The following DPF3 variants were observed in gnomAD, a reference collection of about 807,000 sequenced individuals.
DPF3 encodes double PHD fingers 3, also known as zinc finger protein DPF3.
DPF3 carries 18 observed loss-of-function variants against 56.8 expected under a neutral mutation model. The ratio of observed to expected loss-of-function variants is 0.32; its 90% CI spans 0.22 to 0.47. The LOEUF (loss-of-function observed/expected upper bound fraction) is 0.47, where lower values mean the gene tolerates loss of function less well. DPF3 is among the 20% of genes least tolerant of loss of function. The pLI is 1.00. For synonymous variants in DPF3, 188 were observed against 180.2 expected, an observed-to-expected ratio of 1.04 and a Z score of -0.35; for missense variants, 403 against 488.8, an observed-to-expected ratio of 0.82 and a Z score of 1.65.
intron 3 of DPF3, among the ~76,000 whole-genome samples, chr14:72,737,141 G>A (rs1169119216): frequency 6.7e-6 from 1 of 148,750 alleles, no homozygotes; most frequent in Admixed American, 6.7e-5. Flanking sequence ...AACAAGGATT[G>A]AAGCATAGAA....
chr14:72,768,790 G>A (rs1318076456), intron 2 of DPF3, among the ~76,000 whole-genome samples: 1 of 152,146 alleles, frequency 6.6e-6, no homozygotes, highest in East Asian at 1.9e-4. Flanking sequence ...TGACCTTAAA[G>A]GAGAGTAATT....
At chr14:72,818,196 G>A (rs115766216) in intron 1 of DPF3, among the ~76,000 whole-genome samples, 5,931 of 151,672 alleles carry the variant, frequency 0.039, 327 homozygotes, top group African/African-American at 0.12. Context: ...AGCAGTGATC[G>A]AGCCACTGCA....
At chr14:72,687,332 T>C (rs934708447) in intron 7 of DPF3, among the ~76,000 whole-genome samples, 6 of 152,216 alleles carry the variant, frequency 3.9e-5, no homozygotes, top group East Asian at 1.9e-4. Context: ...AATTTCCCTC[T>C]TAGGAGCTCT....
Position 72,618,301 on chromosome 14 carries a change from G to A in DPF3, c.*996C>T, listed in dbSNP as rs1884212612. On this transcript the variant is annotated 3_prime_UTR_variant, in exon 11 of 11. Transcript: ENST00000556509. ...TTACTTGGAAAAAGGAATTCAGAGC[G>A]TCGCATCAATACTGAAGGTTTCTCA... Among the ~76,000 whole-genome samples the A allele has an allele frequency of 6.6e-6, 1 of 152,208 alleles. No individual in the cohort carries two copies. Among genetic ancestry groups the A allele is most frequent in the Admixed American group, 6.5e-5 (1 of 15,286 alleles).
intron 1 of DPF3, among the ~76,000 whole-genome samples, chr14:72,815,670 C>T (rs1883252836): frequency 2.0e-5 from 3 of 152,206 alleles, no homozygotes; most frequent in Non-Finnish European, 2.9e-5. Flanking sequence ...AAGTCTTAAA[C>T]GCATGGTATC....
chr14:72,686,203 C>T (rs887483504), intron 7 of DPF3, among the ~76,000 whole-genome samples: 1 of 152,222 alleles, frequency 6.6e-6, no homozygotes, highest in Admixed American at 6.5e-5. Flanking sequence ...TGACACCCCA[C>T]AGGCAGTTAG....
At chr14:72,861,692 GA>G (rs1359106728) in intron 1 of DPF3, among the ~76,000 whole-genome samples, 5 of 124,658 alleles carry the variant, frequency 4.0e-5, no homozygotes, top group Non-Finnish European at 8.6e-5. Context: ...AGAAAGAAAA[GA>G]AAGAAAGAGA....
intron 8 of DPF3, among the ~76,000 whole-genome samples, chr14:72,630,880 T>C (rs1047921167): frequency 6.6e-6 from 1 of 152,178 alleles, no homozygotes; most frequent in Non-Finnish European, 1.5e-5. Flanking sequence ...TAAAGAAGGA[T>C]GCTAGAGACA....
At chr14:72,768,420 A>G (rs567978960) in intron 2 of DPF3, among the ~76,000 whole-genome samples, 11 of 152,294 alleles carry the variant, frequency 7.2e-5, no homozygotes, top group African/African-American at 2.4e-4. Context: ...ATAGTTTTGT[A>G]TCTTGATTGT....
chr14:72,682,494 G>A (rs1452369276), intron 7 of DPF3, among the ~76,000 whole-genome samples: 1 of 152,150 alleles, frequency 6.6e-6, no homozygotes, highest in African/African-American at 2.4e-5. Flanking sequence ...AGAGCTGGAT[G>A]AGTTTTGTCT....
In DPF3 at chr14:72,616,190, G is replaced by C. The variant is rs1047164263; in HGVS notation, c.*3107C>G. Among the ~76,000 whole-genome samples the C allele has an allele frequency of 2.0e-5, 3 of 152,198 alleles. No homozygotes were observed. The highest frequency in any genetic ancestry group is 7.2e-5 in the African/African-American group (3 of 41,440). ...ACAGACATGTGAAATGAGGCTCAGA[G>C]AGTTGAAGTCATTGGCCCAAGGTCA... On this transcript the variant is annotated 3_prime_UTR_variant, in exon 11 of 11. Coordinates refer to ENST00000556509, the MANE Select transcript of DPF3 (RefSeq NM_001280542.3).
chr14:72,690,597 C>T (rs540823939), intron 7 of DPF3, among the ~76,000 whole-genome samples: 6 of 151,228 alleles, frequency 4.0e-5, no homozygotes, highest in South Asian at 2.1e-4. Context: ...CGTATACACA[C>T]GCACACACAA....
At chr14:72,673,316 T>G (rs901389974) in intron 8 of DPF3, among the ~76,000 whole-genome samples, 2 of 152,168 alleles carry the variant, frequency 1.3e-5, no homozygotes, top group Non-Finnish European at 2.9e-5. Context: ...AAATGACTCC[T>G]CATTGCTGGA....
At chr14:72,839,924 G>A (rs1884478491) in intron 1 of DPF3, among the ~76,000 whole-genome samples, 1 of 152,224 alleles carries the variant, frequency 6.6e-6, no homozygotes, top group South Asian at 2.1e-4. Flanking sequence ...GTGCGATCAG[G>A]AAGTGACCTG....
intron 1 of DPF3, among the ~76,000 whole-genome samples, chr14:72,783,411 C>A (rs1035925712): frequency 6.6e-6 from 1 of 152,154 alleles, no homozygotes; most frequent in Non-Finnish European, 1.5e-5. Context: ...AAGCTCTAGG[C>A]CCACCTGCAA....
At chr14:72,789,548 T>C (rs1159060055) in intron 1 of DPF3, among the ~76,000 whole-genome samples, 1 of 152,202 alleles carries the variant, frequency 6.6e-6, no homozygotes, top group African/African-American at 2.4e-5. Flanking sequence ...ATGGTCTCGC[T>C]CTGTCACTCA....
chr14:72,879,973 A>T, intron 1 of DPF3: 2 of 1,470,174 alleles, frequency 1.4e-6, no homozygotes, highest in South Asian at 1.4e-5. Flanking sequence ...AAAGGTGAAA[A>T]AGAAACACCC....
At chr14:72,859,406 T>G (rs1885294606) in intron 1 of DPF3, among the ~76,000 whole-genome samples, 1 of 151,780 alleles carries the variant, frequency 6.6e-6, no homozygotes, top group Non-Finnish European at 1.5e-5. Context: ...TCTACCACCC[T>G]TGGCTTCCTC....
chr14:72,783,750 C>T (rs1337796796), intron 1 of DPF3, among the ~76,000 whole-genome samples: 1 of 152,206 alleles, frequency 6.6e-6, no homozygotes, highest in East Asian at 1.9e-4. Context: ...ACTAGCAGTG[C>T]CAGAAGATGG....
Sources: allele counts gnomAD v4.1 joint callset (sites outside exome capture counted in the v4.1 genomes callset), GRCh38; gene constraint gnomAD v4.1.1; transcripts MANE v1.5; gene names NCBI Gene and HGNC (gene_info 2026-07-23, HGNC 2026-07-21).